GLMN: variants seen among roughly 807,000 people sequenced by gnomAD.
The protein encoded by GLMN is glomulin.
GLMN carries 75 observed loss-of-function variants against 87.8 expected under a neutral mutation model. The observed-to-expected ratio is 0.85, with a 90% CI of 0.71 to 1.04. The LOEUF is 1.04. GLMN is among the 50% of genes least tolerant of loss of function. The pLI is 0.00. For synonymous variants in GLMN, 206 were observed against 221.6 expected (o/e 0.93, Z 0.63); for missense variants, 588 against 658.8 (o/e 0.89, Z 1.18).
chr1:92,300,360 G>T, upstream of GLMN: 9 of 719,274 alleles, frequency 1.3e-5, no homozygotes, highest in South Asian at 7.8e-5. Context: ...GAGAGGGAAG[G>T]GAAAGATCTG....
Position 92,246,470 on chromosome 1 carries a change from TAAATG to T in GLMN, c.*55_*59del. 1 of 785,338 alleles carries T rather than the reference TAAATG, an allele frequency of 1.3e-6. No homozygotes were observed. Among genetic ancestry groups the T allele is most frequent in the South Asian group, 1.5e-5 (1 of 66,238 alleles). The allele number at this position is 785,338 out of a possible 1,614,324, so 48.6% of individuals were successfully genotyped here. On this transcript the variant is annotated 3_prime_UTR_variant, in exon 19 of 19. Coordinates refer to ENST00000370360, the MANE Select transcript of GLMN (RefSeq NM_053274.3). ...ACAGAAAAATTTTTTATAAAGGTATTAAATGAATCATAATGGAAAGTACTATATTT... is the reference window on the plus strand; with the variant it reads ...ACAGAAAAATTTTTTATAAAGGTATTAATCATAATGGAAAGTACTATATTT...
At chr1:92,301,348 C>CA (rs904357095), upstream of GLMN, 15 of 383,634 alleles carry the variant, frequency 3.9e-5, no homozygotes, top group African/African-American at 2.6e-4. Flanking sequence ...TATTTTTATT[C>CA]AAAAAATTTT....
At chr1:92,326,460 T>C in the GLMN span, among the ~76,000 whole-genome samples, 105 of 152,266 alleles carry the variant, frequency 6.9e-4, no homozygotes, top group African/African-American at 2.5e-3. Context: ...GGTGGCACTT[T>C]CAAGAGAGCA....
At chr1:92,366,077 G>A in the GLMN span, among the ~76,000 whole-genome samples, 1 of 152,212 alleles carries the variant, frequency 6.6e-6, no homozygotes, top group Non-Finnish European at 1.5e-5. Context: ...AACTAGGAAA[G>A]AACTGGCATT....
At chr1:92,261,588 G>A (rs961437247) in intron 16 of GLMN, among the ~76,000 whole-genome samples, 1 of 152,194 alleles carries the variant, frequency 6.6e-6, no homozygotes, top group Non-Finnish European at 1.5e-5. Context: ...GGAACCTCTT[G>A]TGATGCTGGA....
chr1:92,259,120 T>G (rs1356777340), intron 16 of GLMN, among the ~76,000 whole-genome samples: 2 of 151,998 alleles, frequency 1.3e-5, no homozygotes, highest in Non-Finnish European at 2.9e-5. Context: ...TACAAACTTT[T>G]TAGAAAAAAA....
chr1:92,297,947 A>C lies in GLMN; in HGVS notation c.39+14T>G. The C allele has an allele frequency of 7.9e-7, 1 of 1,269,724 alleles. No individual in the cohort carries two copies. Among genetic ancestry groups the C allele is most frequent in the Non-Finnish European group, 1.2e-6 (1 of 867,040 alleles). The allele number at this position is 1,269,724 out of a possible 1,614,324, so 78.7% of individuals were successfully genotyped here. On this transcript the variant is annotated intron_variant, in intron 2 of 18. Coordinates refer to ENST00000370360, the MANE Select transcript of GLMN (RefSeq NM_053274.3). ...TTTTGAAAGGTATTTAATTTTACAA[A>C]AATTAATACTTACACATCTCTTTAT... is the stretch of plus-strand genomic sequence containing the variant.
chr1:92,358,156 G>C, the GLMN span, among the ~76,000 whole-genome samples: 1 of 152,182 alleles, frequency 6.6e-6, no homozygotes, highest in African/African-American at 2.4e-5. Flanking sequence ...CCCTTCAAAG[G>C]CTTTCAATTG....
upstream of GLMN, among the ~76,000 whole-genome samples, chr1:92,303,533 C>A (rs564049161): frequency 8.5e-5 from 13 of 152,176 alleles, no homozygotes; most frequent in South Asian, 2.3e-3. Context: ...AACAATGACA[C>A]TTTTGAAATA....
chr1:92,258,516 A>ATGAT (rs1471742382), intron 16 of GLMN, among the ~76,000 whole-genome samples: 4 of 152,236 alleles, frequency 2.6e-5, no homozygotes, highest in African/African-American at 7.2e-5. Flanking sequence ...ATGCCCATCA[A>ATGAT]TGATAGACTG....
Position 92,259,782 on chromosome 1 carries a change from G to GCT in GLMN, c.1473+3080_1473+3081insAG, listed in dbSNP as rs1188458313. Among the ~76,000 whole-genome samples the GCT allele has an allele frequency of 3.8e-3, 548 of 143,160 alleles. 8 individuals are homozygous for GCT. Among genetic ancestry groups the GCT allele is most frequent in the Non-Finnish European group, 4.4e-3 (294 of 66,320 alleles). The allele number at this position is 143,160 out of a possible 152,430, so 93.9% of individuals were successfully genotyped here. On this transcript the variant is annotated intron_variant, in intron 16 of 18. Coordinates refer to ENST00000370360, the MANE Select transcript of GLMN (RefSeq NM_053274.3). ...CAGACTCTTGCTCTGTCACCCAGTGGGGAGTGCAGTGGCATGATCTCGGCT... is the reference window on the plus strand; with the variant it reads ...CAGACTCTTGCTCTGTCACCCAGTGGCTGGAGTGCAGTGGCATGATCTCGGCT...
Position 92,269,715 on chromosome 1 carries a change from G to T in GLMN, c.977+8C>A. On this transcript the variant is annotated splice_region_variant and intron_variant, in intron 9 of 18. Coordinates refer to ENST00000370360, the MANE Select transcript of GLMN (RefSeq NM_053274.3). ...TTTCATTTTGAGATACCATCTAAACGATCTTACCTTTGCAAAAAGACTTCA... is the reference window on the plus strand; with the variant it reads ...TTTCATTTTGAGATACCATCTAAACTATCTTACCTTTGCAAAAAGACTTCA... 2 of 1,592,000 alleles carry T rather than the reference G, an allele frequency of 1.3e-6. No individual in the cohort carries two copies. The highest frequency in any genetic ancestry group is 1.1e-5 in the South Asian group (1 of 90,614).
At chr1:92,286,973 T>G (rs187484312) in intron 6 of GLMN, among the ~76,000 whole-genome samples, 5 of 152,306 alleles carry the variant, frequency 3.3e-5, no homozygotes, top group Non-Finnish European at 7.4e-5. Context: ...AATCACCCAG[T>G]CTTAGGTATT....
the GLMN span, chr1:92,345,948 T>C: frequency 3.5e-6 from 5 of 1,412,952 alleles, no homozygotes; most frequent in Non-Finnish European, 5.0e-6. Flanking sequence ...CTCTAAATAC[T>C]AAATGTGAAG....
At chr1:92,333,715 G>A in the GLMN span, among the ~76,000 whole-genome samples, 1 of 152,162 alleles carries the variant, frequency 6.6e-6, no homozygotes, top group East Asian at 1.9e-4. Flanking sequence ...TGTGGGTTTA[G>A]AAGACCAAAC....
intron 16 of GLMN, among the ~76,000 whole-genome samples, chr1:92,261,235 T>C (rs76920810): frequency 1.3e-5 from 2 of 152,364 alleles, no homozygotes; most frequent in Non-Finnish European, 2.9e-5. Flanking sequence ...CATAGCTATT[T>C]CTACCACTTT....
chr1:92,361,128 TATAC>T, the GLMN span, among the ~76,000 whole-genome samples: 1 of 150,278 alleles, frequency 6.7e-6, no homozygotes, highest in Admixed American at 6.7e-5. Flanking sequence ...TATATATATA[TATAC>T]ACACACATAA....
At chr1:92,294,371 C>T (rs181137884) in intron 3 of GLMN, among the ~76,000 whole-genome samples, 1 of 152,154 alleles carries the variant, frequency 6.6e-6, no homozygotes, top group African/African-American at 2.4e-5. Context: ...AGTCTCCCCA[C>T]TTATCTGCAG....
chr1:92,362,023 C>G, the GLMN span, among the ~76,000 whole-genome samples: 1 of 152,168 alleles, frequency 6.6e-6, no homozygotes, highest in Non-Finnish European at 1.5e-5. Flanking sequence ...AAGCATTTAT[C>G]AAATATTAAT....
Sources: gnomAD v4.1 joint callset for allele counts (sites outside exome capture counted in the v4.1 genomes callset) on GRCh38, gnomAD v4.1.1 for gene constraint, MANE v1.5 for transcripts, NCBI Gene and HGNC (gene_info 2026-07-23, HGNC 2026-07-21) for gene names.